The following CD47 variants were observed in gnomAD, a reference collection of about 807,000 sequenced individuals.
CD47 encodes CD47 molecule.
In CD47, 11 loss-of-function variants were observed where a neutral mutation model predicts 44.6. That is an observed-to-expected ratio of 0.25 (90% CI 0.16 to 0.41). The LOEUF is 0.41. CD47 is among the 10% of genes least tolerant of loss of function. CD47 has a pLI of 1.00. For missense variants in CD47, 306 were observed against 386.7 expected, an observed-to-expected ratio of 0.79 and a Z score of 1.75; for synonymous variants, 140 against 136.3, an observed-to-expected ratio of 1.03 and a Z score of -0.19.
rs1042793222 is a variant in CD47 at position 108,045,088 on chromosome 3, A to C, written c.*2200T>G. The stretch of plus-strand genomic sequence containing the variant: ...GAGAAGCTGACAACTAGTGAGAGCA[A>C]GAGTTGGTTTCATCTGGCATTTCCC... On this transcript the variant is annotated 3_prime_UTR_variant, in exon 11 of 11. Transcript: ENST00000361309. The C allele has an allele frequency of 1.6e-4, 24 of 152,652 alleles. No homozygotes were observed. Among genetic ancestry groups the C allele is most frequent in the African/African-American group, 5.3e-4 (22 of 41,452 alleles). The allele number at this position is 152,652 out of a possible 1,614,324, so 9.5% of individuals were successfully genotyped here. A position where few individuals can be genotyped will look rare whatever the true frequency, so the allele number is the denominator to read the frequency against.
chr3:108,054,692 C>T (rs1397852821), intron 7 of CD47: 2 of 152,044 alleles, frequency 1.3e-5, no homozygotes, highest in African/African-American at 2.4e-5. Flanking sequence ...AACATTTTTT[C>T]TATTGATACC....
intron 3 of CD47, among the ~76,000 whole-genome samples, chr3:108,062,231 T>A (rs1053816554): frequency 6.6e-6 from 1 of 152,246 alleles, no homozygotes; most frequent in Non-Finnish European, 1.5e-5. Context: ...CCTGGACTTA[T>A]GTGTCTAATA....
chr3:108,085,296 G>A (rs1177064929), intron 1 of CD47, among the ~76,000 whole-genome samples: 3 of 152,048 alleles, frequency 2.0e-5, no homozygotes, highest in African/African-American at 4.8e-5. Context: ...TTAAGGGGTC[G>A]ACCCTAGTTT....
At chr3:108,081,189 T>C (rs1000061088) in intron 1 of CD47, among the ~76,000 whole-genome samples, 1 of 151,972 alleles carries the variant, frequency 6.6e-6, no homozygotes, top group Non-Finnish European at 1.5e-5. Context: ...CGCTTCTCAA[T>C]AGGATAAACT....
intron 4 of CD47, 44 bp from the exon 5 acceptor site, chr3:108,059,588 T>C: frequency 2.0e-6 from 2 of 1,010,436 alleles, no homozygotes; most frequent in Non-Finnish European, 2.9e-6. Flanking sequence ...CTACATACTT[T>C]TTAAATGTAC....
intron 2 of CD47, among the ~76,000 whole-genome samples, chr3:108,076,576 C>A (rs778365976): frequency 6.6e-6 from 1 of 152,134 alleles, no homozygotes; most frequent in Admixed American, 6.6e-5. Context: ...TTGAACAATA[C>A]CTTGAATCTC....
At chr3:108,050,237 C>G (rs376650383) in intron 9 of CD47, among the ~76,000 whole-genome samples, 2 of 152,122 alleles carry the variant, frequency 1.3e-5, no homozygotes. Flanking sequence ...CCTGCCTCAG[C>G]CTCCCGAGTA....
rs185147481 is a variant in CD47 at position 108,084,767 on chromosome 3, C to T, written c.47-4423G>A. 2.4e-3 allele frequency among the ~76,000 whole-genome samples: 365 copies of T among 152,170 alleles called. 3 individuals are homozygous for T. The highest frequency in any genetic ancestry group is 8.5e-3 in the African/African-American group (353 of 41,526). On this transcript the variant is annotated intron_variant, in intron 1 of 10. Coordinates refer to ENST00000361309, the MANE Select transcript of CD47 (RefSeq NM_001777.4). ...CCTAAGAATCACATTAGATTACTCCCTCTCCTTAGCCATGGAGAATTCTTA... is the reference window on the plus strand; with the variant it reads ...CCTAAGAATCACATTAGATTACTCCTTCTCCTTAGCCATGGAGAATTCTTA...
chr3:108,057,828 G>T (rs971416167), intron 6 of CD47, among the ~76,000 whole-genome samples: 4 of 152,118 alleles, frequency 2.6e-5, no homozygotes, highest in African/African-American at 9.7e-5. Context: ...TTTGAGCCCA[G>T]TTATTTTAAA....
At chr3:108,087,576 C>A (rs1329837018) in intron 1 of CD47, among the ~76,000 whole-genome samples, 1 of 152,130 alleles carries the variant, frequency 6.6e-6, no homozygotes, top group African/African-American at 2.4e-5. Flanking sequence ...GAGGGCTTTG[C>A]AAACTGCTTG....
intron 1 of CD47, among the ~76,000 whole-genome samples, chr3:108,081,180 G>A (rs1452862323): frequency 6.6e-5 from 10 of 151,920 alleles, no homozygotes; most frequent in African/African-American, 2.4e-5. Context: ...TCCTATCTAC[G>A]CTTCTCAATA....
intron 3 of CD47, among the ~76,000 whole-genome samples, chr3:108,066,372 T>C (rs1302525951): frequency 6.6e-6 from 1 of 152,226 alleles, no homozygotes; most frequent in Non-Finnish European, 1.5e-5. Flanking sequence ...AATAAATCCC[T>C]CATAAACAGT....
chr3:108,069,343 A>G (rs1451725162), intron 3 of CD47, among the ~76,000 whole-genome samples: 1 of 152,102 alleles, frequency 6.6e-6, no homozygotes, highest in Non-Finnish European at 1.5e-5. Context: ...TTCTGAAGAC[A>G]TGGGGGAACA....
At chr3:108,075,794 G>T (rs1300559020) in intron 2 of CD47, among the ~76,000 whole-genome samples, 1 of 152,198 alleles carries the variant, frequency 6.6e-6, no homozygotes, top group African/African-American at 2.4e-5. Flanking sequence ...TTGAGGGAGA[G>T]AGAGCTGACC....
intron 3 of CD47, among the ~76,000 whole-genome samples, chr3:108,064,165 A>T (rs903296658): frequency 1.3e-5 from 2 of 152,232 alleles, no homozygotes; most frequent in African/African-American, 4.8e-5. Flanking sequence ...AGCACTATCC[A>T]TCTATATGAC....
At chr3:108,090,729 G>C in intron 1 of CD47, 134 bp downstream of exon 1, 2 of 683,232 alleles carry the variant, frequency 2.9e-6, no homozygotes, top group Non-Finnish European at 4.3e-6. Context: ...CTGCACTTCG[G>C]GCGCTCAGGG....
intron 3 of CD47, 116 bp downstream of exon 3, chr3:108,070,977 A>G: frequency 1.8e-6 from 1 of 559,520 alleles, no homozygotes. Context: ...TTACATACTC[A>G]TATTTATCAT....
chr3:108,076,775 T>A (rs943736431), intron 2 of CD47, among the ~76,000 whole-genome samples: 1 of 152,230 alleles, frequency 6.6e-6, no homozygotes, highest in Non-Finnish European at 1.5e-5. Context: ...CATCACAGAA[T>A]CTGTGATGCC....
Position 108,058,483 on chromosome 3 carries a change from A to G in CD47, c.692-54T>C, listed in dbSNP as rs557891613. 374 of 1,218,204 alleles carry G rather than the reference A, an allele frequency of 3.1e-4. 5 individuals carry two copies. The South Asian group carries it at 4.9e-3, about 16-fold the overall frequency. The allele number at this position is 1,218,204 out of a possible 1,614,324, so 75.5% of individuals were successfully genotyped here. On this transcript the variant is annotated intron_variant, in intron 5 of 10. Coordinates refer to ENST00000361309, the MANE Select transcript of CD47 (RefSeq NM_001777.4). Reference sequence around the variant, plus strand: ...GCATGTCAAGAGTATTTAAAAAGCAATAACTTCCACTTGCATTTGGTATAA... The same window carrying G: ...GCATGTCAAGAGTATTTAAAAAGCAGTAACTTCCACTTGCATTTGGTATAA...
Sources: gnomAD v4.1 joint callset for allele counts (sites outside exome capture counted in the v4.1 genomes callset) on GRCh38, gnomAD v4.1.1 for gene constraint, MANE v1.5 for transcripts, NCBI Gene and HGNC (gene_info 2026-07-23, HGNC 2026-07-21) for gene names.